Variants in FKBP7 observed in about 807,000 individuals in gnomAD.
The protein encoded by FKBP7 is FKBP prolyl isomerase 7, also known as peptidyl-prolyl cis-trans isomerase FKBP7.
In FKBP7, 24 loss-of-function variants were observed where a neutral mutation model predicts 24.3. The ratio of observed to expected loss-of-function variants is 0.99; its 90% CI spans 0.72 to 1.39. The LOEUF (loss-of-function observed/expected upper bound fraction) is 1.39, where lower values mean the gene tolerates loss of function less well. FKBP7 is among the 40% of genes most tolerant of loss of function. The pLI is 0.00. For missense variants in FKBP7, 257 were observed against 269.5 expected (o/e 0.95, Z 0.33); for synonymous variants, 98 against 92.8 (o/e 1.06, Z -0.32).
Position 178,478,538 on chromosome 2 carries a change from C to T in FKBP7, c.-39G>A, listed in dbSNP as rs1006454145. On this transcript the variant is annotated 5_prime_UTR_variant, in exon 1 of 4. In the 5' UTR this introduces an upstream ATG that the reference lacks. Transcript: ENST00000424785. ...ACACTGCTCTCCCTCCCGCGTGTCA[C>T]TCGCGCCCCGTGGATGTCCCGCGGC... 2 of 1,608,788 alleles carry T rather than the reference C, an allele frequency of 1.2e-6. No homozygotes were observed. The highest frequency in any genetic ancestry group is 8.5e-7 in the Non-Finnish European group (1 of 1,177,802).
In FKBP7 at chr2:178,465,538, T is replaced by C; in HGVS notation, c.*232A>G. 1 of 324,484 alleles carries C rather than the reference T, an allele frequency of 3.1e-6. No individual in the cohort carries two copies. Among genetic ancestry groups the C allele is most frequent in the East Asian group, 5.2e-5 (1 of 19,094 alleles). The allele number at this position is 324,484 out of a possible 1,614,324, so 20.1% of individuals were successfully genotyped here. Reference sequence around the variant, plus strand: ...TGGGACCCAGAGGTCTGTTTCATGGTGCTACAATTCTTGTTTACAGAATAA... The same window carrying C: ...TGGGACCCAGAGGTCTGTTTCATGGCGCTACAATTCTTGTTTACAGAATAA... On this transcript the variant is annotated 3_prime_UTR_variant, in exon 4 of 4. Transcript: ENST00000424785.
At chr2:178,472,416 T>C (rs372736254) in intron 2 of FKBP7, among the ~76,000 whole-genome samples, 5 of 152,204 alleles carry the variant, frequency 3.3e-5, no homozygotes, top group African/African-American at 1.2e-4. Flanking sequence ...TAGGTACATA[T>C]GCAGTTTTTG....
Position 178,465,641 on chromosome 2 carries a change from A to G in FKBP7, c.*129T>C. On this transcript the variant is annotated 3_prime_UTR_variant, in exon 4 of 4. Coordinates refer to ENST00000424785, the MANE Select transcript of FKBP7 (RefSeq NM_181342.3). ...CCTCACATTTATTATACCAAAATCA[A>G]TGTATTGGGGAGATCAAAATATCTT... The G allele has an allele frequency of 1.3e-6, 1 of 758,578 alleles. No homozygotes were observed. The highest frequency in any genetic ancestry group is 1.8e-5 in the African/African-American group (1 of 54,952). 47.0% of individuals were successfully genotyped at this position (758,578 alleles called of 1,614,324 possible).
chr2:178,476,183 A>G (rs910108371), intron 2 of FKBP7, among the ~76,000 whole-genome samples: 2 of 152,232 alleles, frequency 1.3e-5, no homozygotes, highest in African/African-American at 4.8e-5. Flanking sequence ...TGTTGCCACA[A>G]TGTAGAAGAA....
chr2:178,476,717 T>C (rs1299433562), intron 2 of FKBP7, among the ~76,000 whole-genome samples: 3 of 129,884 alleles, frequency 2.3e-5, no homozygotes, highest in African/African-American at 4.3e-5. Context: ...CCATTTCATT[T>C]TTTTTTTTTT....
At chr2:178,473,438 G>T (rs1368722078) in intron 2 of FKBP7, among the ~76,000 whole-genome samples, 1 of 152,178 alleles carries the variant, frequency 6.6e-6, no homozygotes, top group Non-Finnish European at 1.5e-5. Flanking sequence ...ACCTCCAATT[G>T]AATATGAACT....
chr2:178,472,917 T>TTTTAAA, intron 2 of FKBP7: 1 of 239,580 alleles, frequency 4.2e-6, no homozygotes, highest in Non-Finnish European at 7.9e-6. Flanking sequence ...TTTTTTTTTT[T>TTTTAAA]AAAAAAAACT....
chr2:178,469,879 T>G, intron 2 of FKBP7, 94 bp from the exon 3 acceptor site: 2 of 955,542 alleles, frequency 2.1e-6, no homozygotes, highest in East Asian at 3.0e-5. Flanking sequence ...TTATTTCATG[T>G]TGATAAGAAT....
Position 178,465,507 on chromosome 2 carries a change from G to T in FKBP7, c.*263C>A. On this transcript the variant is annotated 3_prime_UTR_variant, in exon 4 of 4. Transcript: ENST00000424785. The stretch of plus-strand genomic sequence containing the variant: ...CCTACATCCTGAAAGGGGAAAAAAT[G>T]CCCACTGGGACCCAGAGGTCTGTTT... 3.9e-6 allele frequency: 1 copy of T among 253,536 alleles called. No homozygotes were observed. The highest frequency in any genetic ancestry group is 7.4e-6 in the Non-Finnish European group (1 of 135,424). 15.7% of individuals were successfully genotyped at this position (253,536 alleles called of 1,614,324 possible). A position where few individuals can be genotyped will look rare whatever the true frequency, so the allele number is the denominator to read the frequency against.
At chr2:178,468,175 T>A (rs1323743065) in intron 3 of FKBP7, among the ~76,000 whole-genome samples, 1 of 152,240 alleles carries the variant, frequency 6.6e-6, no homozygotes, top group Non-Finnish European at 1.5e-5. Context: ...TACTTACTTA[T>A]GTGGTAGAGT....
chr2:178,464,754 C>A lies in FKBP7; in HGVS notation c.*1016G>T, dbSNP rs1020674805. ...GTACCAACGTGATCTTCTACAGCATCTCTTACATACTATTCTCAAGTCATA... is the reference window on the plus strand; with the variant it reads ...GTACCAACGTGATCTTCTACAGCATATCTTACATACTATTCTCAAGTCATA... On this transcript the variant is annotated 3_prime_UTR_variant, in exon 4 of 4. Coordinates refer to ENST00000424785, the MANE Select transcript of FKBP7 (RefSeq NM_181342.3). 1.3e-5 allele frequency: 2 copies of A among 152,212 alleles called. No homozygotes were observed. The highest frequency in any genetic ancestry group is 4.8e-5 in the African/African-American group (2 of 41,452). The allele number at this position is 152,212 out of a possible 1,614,324, so 9.4% of individuals were successfully genotyped here.
intron 2 of FKBP7, chr2:178,473,271 A>G (rs1450552622): frequency 2.5e-6 from 1 of 403,310 alleles, no homozygotes; most frequent in Non-Finnish European, 5.0e-6. Context: ...AATGTAATCC[A>G]AGGTATTGGA....
rs1685069275 is a variant in FKBP7 at position 178,478,284 on chromosome 2, G to A, written c.216C>T (p.Tyr72=). The change falls in exon 1 of 4, where the codon TAC becomes TAT. Residue 72 remains tyrosine (Y), a synonymous_variant. Coordinates refer to ENST00000424785, the MANE Select transcript of FKBP7 (RefSeq NM_181342.3). The part of the protein sequence containing the change: ...GYLAKDGSKF[Y]CSRTQNEGHP... ...CAGCTCGCAGCATTTCCTACCTGCA[G>A]TAGAATTTCGAGCCGTCTTTAGCCA... The A allele has an allele frequency of 3.1e-6, 5 of 1,614,128 alleles. No individual in the cohort carries two copies. The highest frequency in any genetic ancestry group is 4.2e-6 in the Non-Finnish European group (5 of 1,180,014).
At position 178,469,922 on chromosome 2, in the gene FKBP7, T is replaced by C. The variant is rs1684802028; in HGVS notation, c.374-137A>G. 9 of 655,858 alleles carry C rather than the reference T, an allele frequency of 1.4e-5. No individual in the cohort carries two copies. In the East Asian group the frequency reaches 3.1e-4, roughly 22 times the overall value. The allele number at this position is 655,858 out of a possible 1,614,324, so 40.6% of individuals were successfully genotyped here. The stretch of plus-strand genomic sequence containing the variant: ...TGAATACTCACAATTTTTAATTTTT[T>C]CTCATCTTTTATAACTTTTTTCGGC... On this transcript the variant is annotated intron_variant, in intron 2 of 3. Transcript: ENST00000424785.
intron 1 of FKBP7, 21 bp from the exon 2 acceptor site, chr2:178,477,234 TAAGTA>T: frequency 6.2e-7 from 1 of 1,601,388 alleles, no homozygotes; most frequent in East Asian, 2.2e-5. Flanking sequence ...AAGCAATACT[TAAGTA>T]AACTGATTTC....
chr2:178,474,099 C>G (rs567553403), intron 2 of FKBP7, among the ~76,000 whole-genome samples: 2 of 152,348 alleles, frequency 1.3e-5, no homozygotes, highest in South Asian at 4.1e-4. Context: ...ACTAAGACAA[C>G]TGCCTCAAAG....
rs191082719 is a variant in FKBP7, at chr2:178,475,298, T to C, written c.373+1764A>G. On this transcript the variant is annotated intron_variant, in intron 2 of 3. Transcript: ENST00000424785. ...AGGCTGGAGTGCAGTGGCGCAATCT[T>C]GGCTCACTGCAACCTCTGCCTCCCA... is the stretch of plus-strand genomic sequence containing the variant. 1.5e-3 allele frequency among the ~76,000 whole-genome samples: 221 copies of C among 152,208 alleles called. 5 individuals carry two copies. In the South Asian group the frequency reaches 0.022, roughly 15 times the overall value.
chr2:178,466,414 A>T (rs977420689), intron 3 of FKBP7, among the ~76,000 whole-genome samples: 29 of 152,244 alleles, frequency 1.9e-4, no homozygotes, highest in African/African-American at 7.0e-4. Context: ...AAGTCTACAT[A>T]ACTATAATAA....
chr2:178,476,096 A>T (rs970811936), intron 2 of FKBP7, among the ~76,000 whole-genome samples: 2 of 152,198 alleles, frequency 1.3e-5, no homozygotes, highest in South Asian at 4.1e-4. Context: ...ATAAATATTT[A>T]TGTAATAATA....
Sources: gnomAD v4.1 joint callset for allele counts (sites outside exome capture counted in the v4.1 genomes callset) on GRCh38, gnomAD v4.1.1 for gene constraint, MANE v1.5 for transcripts, NCBI Gene and HGNC (gene_info 2026-07-23, HGNC 2026-07-21) for gene names.